Variants in TMEM45A observed in about 807,000 individuals in gnomAD.
TMEM45A encodes the protein DNA polymerase-transactivated protein 4.
In TMEM45A, 25 loss-of-function variants were observed where a neutral mutation model predicts 32.0. The ratio of observed to expected loss-of-function variants is 0.78; its 90% CI spans 0.57 to 1.09. The LOEUF (loss-of-function observed/expected upper bound fraction) is 1.09. Among genes scored for constraint, TMEM45A ranks in the 50% least tolerant of loss-of-function variants. TMEM45A has a pLI of 0.00. For missense variants in TMEM45A, 302 were observed against 325.0 expected, an observed-to-expected ratio of 0.93 and a Z score of 0.54; for synonymous variants, 122 against 114.8, an observed-to-expected ratio of 1.06 and a Z score of -0.40.
intron 1 of TMEM45A, among the ~76,000 whole-genome samples, chr3:100,533,563 T>G (rs1008902113): frequency 6.6e-6 from 1 of 152,096 alleles, no homozygotes; most frequent in Admixed American, 6.5e-5. Flanking sequence ...CTTGGCACAC[T>G]GGGGTGAGCA....
intron 1 of TMEM45A, among the ~76,000 whole-genome samples, chr3:100,546,586 G>C (rs2148971854): frequency 6.6e-6 from 1 of 152,296 alleles, no homozygotes; most frequent in African/African-American, 2.4e-5. Flanking sequence ...GAATGACAAA[G>C]ACCAGTTTTC....
At chr3:100,493,652 A>T (rs2148919648) in intron 1 of TMEM45A, among the ~76,000 whole-genome samples, 1 of 152,130 alleles carries the variant, frequency 6.6e-6, no homozygotes, top group East Asian at 1.9e-4. Flanking sequence ...CTATGTATAC[A>T]CTATGCTATA....
At chr3:100,552,409 T>G (rs184907121) in intron 1 of TMEM45A, among the ~76,000 whole-genome samples, 1 of 152,266 alleles carries the variant, frequency 6.6e-6, no homozygotes, top group African/African-American at 2.4e-5. Flanking sequence ...CCCTCCCCTA[T>G]TTGGGCCATC....
At chr3:100,497,229 T>G (rs1197189003) in intron 1 of TMEM45A, among the ~76,000 whole-genome samples, 1 of 152,204 alleles carries the variant, frequency 6.6e-6, no homozygotes, top group Non-Finnish European at 1.5e-5. Context: ...CCAGATCTGA[T>G]TCTTACCAAT....
intron 1 of TMEM45A, among the ~76,000 whole-genome samples, chr3:100,507,348 A>G (rs995556066): frequency 8.5e-5 from 13 of 152,224 alleles, no homozygotes; most frequent in African/African-American, 3.1e-4. Context: ...TGGCTGCTGG[A>G]AAACACTAAG....
At chr3:100,537,899 G>A (rs540468750) in intron 1 of TMEM45A, among the ~76,000 whole-genome samples, 2 of 152,340 alleles carry the variant, frequency 1.3e-5, no homozygotes, top group South Asian at 2.1e-4. Flanking sequence ...CTGTGACTGC[G>A]CTGAACCAAA....
rs527766419 is a variant in TMEM45A, at chr3:100,492,807, T to C, written c.-125T>C. The C allele has an allele frequency of 3.5e-5, 5 of 144,196 alleles. No individual in the cohort carries two copies. The highest frequency in any genetic ancestry group is 4.5e-5 in the Non-Finnish European group (3 of 66,930). The allele number at this position is 144,196 out of a possible 1,614,324, so 8.9% of individuals were successfully genotyped here. ...GCCAGATCCCATCCAACACACGGTTTAATTTTCATGGGGCTCTGGGATCAA... is the reference window on the plus strand; with the variant it reads ...GCCAGATCCCATCCAACACACGGTTCAATTTTCATGGGGCTCTGGGATCAA... On this transcript the variant is annotated 5_prime_UTR_variant, in exon 1 of 6. Transcript: ENST00000323523.
intron 1 of TMEM45A, among the ~76,000 whole-genome samples, chr3:100,510,799 C>T (rs1219750922): frequency 2.0e-5 from 3 of 151,932 alleles, no homozygotes; most frequent in Admixed American, 6.5e-5. Flanking sequence ...GAGCTGAAAA[C>T]CAAGGCTCGA....
intron 4 of TMEM45A, among the ~76,000 whole-genome samples, chr3:100,560,558 C>G (rs1234018991): frequency 1.3e-5 from 2 of 151,738 alleles, no homozygotes; most frequent in African/African-American, 4.8e-5. Flanking sequence ...AATTGTTTTA[C>G]GGTCAGGGAA....
intron 1 of TMEM45A, among the ~76,000 whole-genome samples, chr3:100,548,543 C>T (rs778709476): frequency 6.6e-6 from 1 of 152,168 alleles, no homozygotes; most frequent in Non-Finnish European, 1.5e-5. Context: ...ACTGCGGGCT[C>T]CTCCTCTACA....
intron 1 of TMEM45A, among the ~76,000 whole-genome samples, chr3:100,513,381 A>G (rs1455067490): frequency 8.6e-5 from 13 of 151,570 alleles, no homozygotes; most frequent in Admixed American, 5.9e-4. Context: ...AAACCACATG[A>G]TTATCTCAAT....
At chr3:100,524,187 G>A (rs1435292182) in intron 1 of TMEM45A, among the ~76,000 whole-genome samples, 3 of 152,188 alleles carry the variant, frequency 2.0e-5, no homozygotes, top group African/African-American at 4.8e-5. Context: ...GAGTGCGGGA[G>A]GATGGTGGGG....
chr3:100,550,966 A>G (rs1706085729), intron 1 of TMEM45A, among the ~76,000 whole-genome samples: 1 of 150,946 alleles, frequency 6.6e-6, no homozygotes, highest in African/African-American at 2.4e-5. Flanking sequence ...CTGGAAACCA[A>G]TGATGAAATC....
intron 1 of TMEM45A, among the ~76,000 whole-genome samples, chr3:100,531,694 G>C (rs2148957084): frequency 6.6e-6 from 1 of 152,326 alleles, no homozygotes; most frequent in African/African-American, 2.4e-5. Flanking sequence ...CTTTTCAGTA[G>C]TTATTGGCTT....
chr3:100,494,517 G>A (rs1707894427), intron 1 of TMEM45A, among the ~76,000 whole-genome samples: 1 of 152,064 alleles, frequency 6.6e-6, no homozygotes, highest in Non-Finnish European at 1.5e-5. Context: ...AGCTACTTGG[G>A]AGGCTGAGGC....
At chr3:100,511,351 G>T (rs1460152902) in intron 1 of TMEM45A, among the ~76,000 whole-genome samples, 1 of 152,070 alleles carries the variant, frequency 6.6e-6, no homozygotes, top group Non-Finnish European at 1.5e-5. Context: ...TTTCAACCCA[G>T]AATTTCATAT....
Position 100,577,043 on chromosome 3 carries a change from A to C in TMEM45A, c.*25A>C. On this transcript the variant is annotated 3_prime_UTR_variant, in exon 6 of 6. Coordinates refer to ENST00000323523, the MANE Select transcript of TMEM45A (RefSeq NM_018004.3). ...ACTTTGATGAGCTTCCAGTTTTTCT[A>C]GATAAACCTTTTCTTTTTTACATTG... is the stretch of plus-strand genomic sequence containing the variant. 1 of 1,570,198 alleles carries C rather than the reference A, an allele frequency of 6.4e-7. No individual in the cohort carries two copies. Among genetic ancestry groups the C allele is most frequent in the Non-Finnish European group, 8.7e-7 (1 of 1,148,968 alleles).
At chr3:100,523,602 CTGAGA>C (rs1488625798) in intron 1 of TMEM45A, among the ~76,000 whole-genome samples, 3 of 152,166 alleles carry the variant, frequency 2.0e-5, no homozygotes, top group Non-Finnish European at 4.4e-5. Context: ...GGTTCCCTGG[CTGAGA>C]TGAGATAACT....
intron 4 of TMEM45A, among the ~76,000 whole-genome samples, chr3:100,565,815 A>C (rs1458811517): frequency 6.6e-6 from 1 of 152,188 alleles, no homozygotes; most frequent in African/African-American, 2.4e-5. Flanking sequence ...TTTAAAGTGT[A>C]CAATTTAGTG....
Sources: allele counts gnomAD v4.1 joint callset (sites outside exome capture counted in the v4.1 genomes callset), GRCh38; gene constraint gnomAD v4.1.1; transcripts MANE v1.5; gene names NCBI Gene and HGNC (gene_info 2026-07-23, HGNC 2026-07-21).